RBMS1: variants seen among roughly 807,000 people sequenced by gnomAD.
The protein encoded by RBMS1 is RNA binding motif single stranded interacting protein 1.
Under a neutral mutation model 62.3 loss-of-function variants are expected in RBMS1, and 17 were observed. The ratio of observed to expected loss-of-function variants is 0.27; its 90% CI spans 0.19 to 0.41. RBMS1 has a LOEUF of 0.41. Among genes scored for constraint, RBMS1 ranks in the 10% least tolerant of loss-of-function variants. The probability of loss-of-function intolerance (pLI) is 1.00; values close to 1 mark genes in which losing one functional copy is unlikely to be tolerated. For synonymous variants in RBMS1, 172 were observed against 170.0 expected (o/e 1.01, Z -0.09); for missense variants, 334 against 504.5 (o/e 0.66, Z 3.24).
rs1559311786 is a variant in RBMS1, at chr2:160,281,302, T to C, written c.951+12A>G. On this transcript the variant is annotated intron_variant, in intron 10 of 13. Coordinates refer to ENST00000348849, the MANE Select transcript of RBMS1 (RefSeq NM_016836.4). ...CTTGTAAAACACAAAGTCATTAAGATAAAAAACTTACAGGGTGCTGTAGAA... is the reference window on the plus strand; with the variant it reads ...CTTGTAAAACACAAAGTCATTAAGACAAAAAACTTACAGGGTGCTGTAGAA... 1 of 1,593,696 alleles carries C rather than the reference T, an allele frequency of 6.3e-7. No homozygotes were observed. The highest frequency in any genetic ancestry group is 8.6e-7 in the Non-Finnish European group (1 of 1,167,310).
chr2:160,436,491 C>T (rs1014851150), intron 1 of RBMS1, among the ~76,000 whole-genome samples: 1 of 152,242 alleles, frequency 6.6e-6, no homozygotes, highest in African/African-American at 2.4e-5. Context: ...ACTGCCCCTC[C>T]AAATTCCTGA....
At chr2:160,468,070 C>A (rs1684766876) in intron 1 of RBMS1, among the ~76,000 whole-genome samples, 1 of 152,154 alleles carries the variant, frequency 6.6e-6, no homozygotes, top group Non-Finnish European at 1.5e-5. Context: ...TGACTCTAAT[C>A]CAGGCTGATG....
At chr2:160,424,369 G>C (rs1317099282) in intron 1 of RBMS1, among the ~76,000 whole-genome samples, 4 of 149,504 alleles carry the variant, frequency 2.7e-5, no homozygotes, top group Non-Finnish European at 4.5e-5. Flanking sequence ...AGAGATTGGG[G>C]GGGGGGGGAA....
At chr2:160,487,083 A>T (rs1049328339) in intron 1 of RBMS1, among the ~76,000 whole-genome samples, 1 of 151,856 alleles carries the variant, frequency 6.6e-6, no homozygotes, top group African/African-American at 2.4e-5. Context: ...AGAAGTTAAC[A>T]TAAAGTACAA....
At chr2:160,443,593 C>T (rs1330340270) in intron 1 of RBMS1, among the ~76,000 whole-genome samples, 2 of 152,078 alleles carry the variant, frequency 1.3e-5, no homozygotes, top group East Asian at 3.9e-4. Context: ...CCTGCTTTCG[C>T]CATGTGAAGT....
intron 1 of RBMS1, among the ~76,000 whole-genome samples, chr2:160,395,094 A>T (rs1341566178): frequency 6.6e-6 from 1 of 152,248 alleles, no homozygotes; most frequent in Admixed American, 6.5e-5. Context: ...ATTCTAGGAA[A>T]ACAAATCATG....
chr2:160,465,098 CA>C (rs1040776463), intron 1 of RBMS1, among the ~76,000 whole-genome samples: 31 of 152,252 alleles, frequency 2.0e-4, no homozygotes, highest in African/African-American at 7.2e-4. Context: ...ATCACCATGA[CA>C]AAAAGTCAAA....
At chr2:160,413,514 A>C (rs1423552823) in intron 1 of RBMS1, among the ~76,000 whole-genome samples, 1 of 152,222 alleles carries the variant, frequency 6.6e-6, no homozygotes, top group Non-Finnish European at 1.5e-5. Context: ...GGCTCCCTAG[A>C]CATGTATAAA....
At position 160,493,501 on chromosome 2, in the gene RBMS1, C is replaced by G; in HGVS notation, c.-138G>C. 1 of 716,346 alleles carries G rather than the reference C, an allele frequency of 1.4e-6. No individual in the cohort carries two copies. The highest frequency in any genetic ancestry group is 2.4e-6 in the Non-Finnish European group (1 of 411,002). 44.4% of individuals were successfully genotyped at this position (716,346 alleles called of 1,614,324 possible). On this transcript the variant is annotated 5_prime_UTR_variant, in exon 1 of 14. Transcript: ENST00000348849. The stretch of plus-strand genomic sequence containing the variant: ...GGCTGCTGCTGCTGCCGCTGCTCCA[C>G]CTCCCAGCCGGGACCAGACGTCCTC...
intron 1 of RBMS1, among the ~76,000 whole-genome samples, chr2:160,375,409 T>G (rs566146127): frequency 6.6e-6 from 1 of 152,238 alleles, no homozygotes; most frequent in Admixed American, 6.5e-5. Context: ...AACTGAAGCC[T>G]AAAGGAACAA....
chr2:160,449,829 T>TA (rs71006603), intron 1 of RBMS1, among the ~76,000 whole-genome samples: 1 of 151,618 alleles, frequency 6.6e-6, no homozygotes, highest in African/African-American at 2.4e-5. Context: ...CAATAAATAC[T>TA]AAAAAAAAAT....
intron 9 of RBMS1, 49 bp downstream of exon 9, chr2:160,284,726 T>TC (rs779003953): frequency 3.0e-6 from 4 of 1,335,464 alleles, no homozygotes; most frequent in Non-Finnish European, 4.3e-6. Flanking sequence ...TAGCAGAGAT[T>TC]CATGGTCCGC....
chr2:160,435,388 A>G (rs573168730), intron 1 of RBMS1, among the ~76,000 whole-genome samples: 99 of 152,348 alleles, frequency 6.5e-4, no homozygotes, highest in African/African-American at 2.3e-3. Context: ...TCCTCATTTT[A>G]TAGATTAAAA....
At chr2:160,328,583 A>G (rs538678290) in intron 2 of RBMS1, among the ~76,000 whole-genome samples, 1 of 152,268 alleles carries the variant, frequency 6.6e-6, no homozygotes, top group East Asian at 1.9e-4. Context: ...GTTTATGCCA[A>G]TTTAGCTCAA....
intron 2 of RBMS1, among the ~76,000 whole-genome samples, chr2:160,356,305 GTTT>G (rs1265333582): frequency 6.6e-6 from 1 of 152,008 alleles, no homozygotes; most frequent in Admixed American, 6.6e-5. Context: ...TTTATTTTGA[GTTT>G]TTTATTTTAT....
At chr2:160,418,986 A>G in intron 1 of RBMS1, among the ~76,000 whole-genome samples, 1 of 152,226 alleles carries the variant, frequency 6.6e-6, no homozygotes, top group East Asian at 1.9e-4. Context: ...AACAGATGTT[A>G]TTATTCTATA....
intron 1 of RBMS1, among the ~76,000 whole-genome samples, chr2:160,393,466 A>C (rs1211851259): frequency 2.6e-5 from 4 of 152,182 alleles, no homozygotes; most frequent in African/African-American, 9.7e-5. Flanking sequence ...ATGATAATCC[A>C]AGCTGAATTT....
intron 6 of RBMS1, among the ~76,000 whole-genome samples, chr2:160,296,970 A>G (rs1219515514): frequency 1.3e-5 from 2 of 152,160 alleles, no homozygotes; most frequent in Non-Finnish European, 2.9e-5. Context: ...ACACTCCAAC[A>G]AACAGGTGGC....
intron 1 of RBMS1, among the ~76,000 whole-genome samples, chr2:160,450,141 T>C (rs1683902588): frequency 6.6e-6 from 1 of 152,194 alleles, no homozygotes; most frequent in Non-Finnish European, 1.5e-5. Context: ...ACCTGCTGTA[T>C]ACCAGGCACA....
Sources: allele counts gnomAD v4.1 joint callset (sites outside exome capture counted in the v4.1 genomes callset), GRCh38; gene constraint gnomAD v4.1.1; transcripts MANE v1.5; gene names NCBI Gene and HGNC (gene_info 2026-07-23, HGNC 2026-07-21).